PEX13: variants seen among roughly 807,000 people sequenced by gnomAD.
PEX13 encodes peroxisome biogenesis factor 13.
Under a neutral mutation model 34.5 loss-of-function variants are expected in PEX13, and 28 were observed. That is an observed-to-expected ratio of 0.81 (90% CI 0.60 to 1.11). PEX13 has a LOEUF of 1.11. Among genes scored for constraint, PEX13 ranks in the 50% most tolerant of loss-of-function variants. The pLI, the probability that PEX13 is intolerant of heterozygous loss-of-function variation, is 0.00. For synonymous variants in PEX13, 177 were observed against 175.1 expected (o/e 1.01, Z -0.09); for missense variants, 550 against 491.0 (o/e 1.12, Z -1.13).
At position 61,051,896 on chromosome 2, in the gene PEX13, A is replaced by G. The variant is rs745626475; in HGVS notation, c.*3126A>G. Reference sequence around the variant, plus strand: ...TCCTTTATCTTGTGCTTTCTTTAATAGAAAAATGAACAGAAACTGAATGCA... The same window carrying G: ...TCCTTTATCTTGTGCTTTCTTTAATGGAAAAATGAACAGAAACTGAATGCA... On this transcript the variant is annotated 3_prime_UTR_variant, in exon 4 of 4. Transcript: ENST00000295030. 1.6e-4 allele frequency: 25 copies of G among 152,460 alleles called. No individual in the cohort carries two copies. The highest frequency in any genetic ancestry group is 2.9e-4 in the Non-Finnish European group (20 of 68,028). The allele number at this position is 152,460 out of a possible 1,614,324, so 9.4% of individuals were successfully genotyped here.
At chr2:61,043,262 C>T (rs570684085) in intron 2 of PEX13, among the ~76,000 whole-genome samples, 1 of 149,222 alleles carries the variant, frequency 6.7e-6, no homozygotes, top group South Asian at 2.1e-4. Flanking sequence ...TTTGGTAGGC[C>T]GAGGCGGGCG....
Position 61,039,716 on chromosome 2 carries a change from G to A in PEX13, c.788-6010G>A, listed in dbSNP as rs143969239. ...TCATGACTAAAACACCAAAAACAAT[G>A]ACAACAAAAGCCGGAATAGACAGAT... On this transcript the variant is annotated intron_variant, in intron 2 of 3. Transcript: ENST00000295030. Among the ~76,000 whole-genome samples, 17 of 152,112 alleles carry A rather than the reference G, an allele frequency of 1.1e-4. No homozygotes were observed. The East Asian group carries it at 3.1e-3, about 28-fold the overall frequency.
chr2:61,032,470 G>A (rs1358239220), intron 2 of PEX13, among the ~76,000 whole-genome samples: 1 of 152,144 alleles, frequency 6.6e-6, no homozygotes, highest in East Asian at 1.9e-4. Context: ...TAACAATTGG[G>A]GAGAGACATA....
At chr2:61,023,630 CTG>C (rs1273051073) in intron 1 of PEX13, among the ~76,000 whole-genome samples, 3 of 151,944 alleles carry the variant, frequency 2.0e-5, no homozygotes, top group African/African-American at 7.3e-5. Flanking sequence ...ATCTGACTCA[CTG>C]TGATTTGGAC....
At chr2:61,048,346 C>A (rs1388146107) in intron 3 of PEX13, 126 bp from the exon 4 acceptor site, 1 of 752,996 alleles carries the variant, frequency 1.3e-6, no homozygotes, top group Non-Finnish European at 2.3e-6. Flanking sequence ...AATATATATG[C>A]ATGTACTATT....
chr2:61,018,230 C>T (rs1339448045), intron 1 of PEX13: 1 of 1,551,094 alleles, frequency 6.4e-7, no homozygotes, highest in Non-Finnish European at 8.7e-7. Flanking sequence ...TGTCCAGCCA[C>T]GGCATCGACA....
In PEX13 at chr2:61,048,519, C is replaced by T. The variant is rs765658938; in HGVS notation, c.961C>T (p.Gln321Ter). ...RGWLLASLDG[Q>*]TTGLIPANYV... ...TTGGCTTCTGGCTAGCCTTGATGGC[C>T]AAACAACAGGACTTATACCTGCGAA... The change falls in exon 4 of 4, where the codon CAA becomes TAA. Residue 321 changes from glutamine to a stop codon, truncating the protein, a stop_gained. Coordinates refer to ENST00000295030, the MANE Select transcript of PEX13 (RefSeq NM_002618.4). LOFTEE classifies it high-confidence loss of function. The T allele has an allele frequency of 6.2e-7, 1 of 1,614,006 alleles. No homozygotes were observed. The highest frequency in any genetic ancestry group is 8.5e-7 in the Non-Finnish European group (1 of 1,179,930).
Position 61,048,774 on chromosome 2 carries a change from C to T in PEX13, c.*4C>T. On this transcript the variant is annotated 3_prime_UTR_variant, in exon 4 of 4. Coordinates refer to ENST00000295030, the MANE Select transcript of PEX13 (RefSeq NM_002618.4). ...TGGAGAAAAGCAAGATCTTTGATAT[C>T]TTTCATGTTTGCCTGCAGTTGAACA... The T allele has an allele frequency of 6.2e-7, 1 of 1,609,422 alleles. No individual in the cohort carries two copies.
chr2:61,046,619 T>C (rs902795724), intron 3 of PEX13, among the ~76,000 whole-genome samples: 3 of 152,208 alleles, frequency 2.0e-5, no homozygotes, highest in African/African-American at 4.8e-5. Context: ...GAAGTGGTAC[T>C]ATTATTATCC....
chr2:61,045,284 A>C (rs1680688181), intron 2 of PEX13, among the ~76,000 whole-genome samples: 1 of 152,228 alleles, frequency 6.6e-6, no homozygotes. Flanking sequence ...TCCTTCCCCC[A>C]AAATATTTCA....
At position 61,041,073 on chromosome 2, in the gene PEX13, G is replaced by A. The variant is rs191512802; in HGVS notation, c.788-4653G>A. 9.9e-4 allele frequency among the ~76,000 whole-genome samples: 150 copies of A among 152,124 alleles called. 1 individual carries two copies. Among genetic ancestry groups the A allele is most frequent in the Non-Finnish European group, 1.3e-3 (91 of 67,998 alleles). ...CACCCCTGTAATCCCAACACTGGGAGGATGAGGCCTGCAGATCGCTTAAGC... is the reference window on the plus strand; with the variant it reads ...CACCCCTGTAATCCCAACACTGGGAAGATGAGGCCTGCAGATCGCTTAAGC... On this transcript the variant is annotated intron_variant, in intron 2 of 3. Coordinates refer to ENST00000295030, the MANE Select transcript of PEX13 (RefSeq NM_002618.4).
intron 1 of PEX13, among the ~76,000 whole-genome samples, chr2:61,029,157 A>C (rs1381846312): frequency 6.9e-6 from 1 of 145,104 alleles, no homozygotes; most frequent in Non-Finnish European, 1.5e-5. Flanking sequence ...AAAAAAAAAG[A>C]GGGCGAACTT....
At chr2:61,021,290 C>T (rs1302274689) in intron 1 of PEX13, among the ~76,000 whole-genome samples, 1 of 152,148 alleles carries the variant, frequency 6.6e-6, no homozygotes, top group East Asian at 1.9e-4. Flanking sequence ...ACAGACTATA[C>T]CTGGAAAAAT....
intron 2 of PEX13, among the ~76,000 whole-genome samples, chr2:61,041,723 T>G (rs556579197): frequency 6.6e-6 from 1 of 152,308 alleles, no homozygotes; most frequent in African/African-American, 2.4e-5. Context: ...ATTGTCAGTT[T>G]TTTGTTTTGC....
At chr2:61,026,383 C>T (rs1365033996) in intron 1 of PEX13, among the ~76,000 whole-genome samples, 3 of 126,204 alleles carry the variant, frequency 2.4e-5, no homozygotes, top group Non-Finnish European at 4.8e-5. Context: ...CTCACTCTGT[C>T]GCCCAGGCCG....
chr2:61,045,890 T>G (rs760822378), intron 3 of PEX13, 39 bp downstream of exon 3: 20 of 1,518,000 alleles, frequency 1.3e-5, no homozygotes, highest in Non-Finnish European at 1.7e-5. Flanking sequence ...TCTGTAAATT[T>G]TGATATTCAT....
intron 1 of PEX13, chr2:61,018,135 C>A: frequency 1.3e-6 from 2 of 1,549,678 alleles, no homozygotes; most frequent in Middle Eastern, 1.7e-4. Flanking sequence ...GGCTTCCTAC[C>A]TACCGCTTCT....
At position 61,048,753 on chromosome 2, in the gene PEX13, G is replaced by GAAA. The variant is rs1680751431; in HGVS notation, c.1197_1199dup (p.Lys400dup). 1 of 1,613,190 alleles carries GAAA rather than the reference G, an allele frequency of 6.2e-7. No individual in the cohort carries two copies. The highest frequency in any genetic ancestry group is 1.7e-5 in the Admixed American group (1 of 60,006). On this transcript the variant is annotated inframe_insertion, in exon 4 of 4. Transcript: ENST00000295030. Reference sequence around the variant, plus strand: ...ACCTGATTCCATTGGGAAAGATGGAGAAAAGCAAGATCTTTGATATCTTTC... The same window carrying GAAA: ...ACCTGATTCCATTGGGAAAGATGGAGAAAAAAAGCAAGATCTTTGATATCTTTC...
At position 61,035,090 on chromosome 2, in the gene PEX13, C is replaced by T. The variant is rs535294020; in HGVS notation, c.787+2977C>T. On this transcript the variant is annotated intron_variant, in intron 2 of 3. Coordinates refer to ENST00000295030, the MANE Select transcript of PEX13 (RefSeq NM_002618.4). ...GGGGTCAACAGACACCTTCAACAGG[C>T]GGGTGCCCTTCTGGGACAAAGCTTG... Among the ~76,000 whole-genome samples, 20 of 152,304 alleles carry T rather than the reference C, an allele frequency of 1.3e-4. 1 individual carries two copies. The highest frequency in any genetic ancestry group is 1.2e-4 in the African/African-American group (5 of 41,570).
Sources: gnomAD v4.1 joint callset for allele counts (sites outside exome capture counted in the v4.1 genomes callset) on GRCh38, gnomAD v4.1.1 for gene constraint, MANE v1.5 for transcripts, NCBI Gene and HGNC (gene_info 2026-07-23, HGNC 2026-07-21) for gene names.